The following VSNL1 variants were observed in gnomAD, a reference collection of about 807,000 sequenced individuals.
VSNL1 encodes visinin-like protein 1.
Under a neutral mutation model 20.4 loss-of-function variants are expected in VSNL1, and 6 were observed. The ratio of observed to expected loss-of-function variants is 0.29; its 90% CI spans 0.16 to 0.58. VSNL1 has a LOEUF of 0.58. Among genes scored for constraint, VSNL1 ranks in the 20% least tolerant of loss-of-function variants. The probability of loss-of-function intolerance (pLI) is 0.90; values close to 1 mark genes in which losing one functional copy is unlikely to be tolerated. For synonymous variants in VSNL1, 93 were observed against 86.4 expected (o/e 1.08, Z -0.42); for missense variants, 100 against 234.5 (o/e 0.43, Z 3.75).
chr2:17,583,055 T>G (rs1456457947), intron 1 of VSNL1, among the ~76,000 whole-genome samples: 1 of 152,128 alleles, frequency 6.6e-6, no homozygotes, highest in Non-Finnish European at 1.5e-5. Flanking sequence ...AGAATTACTG[T>G]AGAGATAACA....
intron 1 of VSNL1, among the ~76,000 whole-genome samples, chr2:17,565,659 A>G (rs1192701901): frequency 1.3e-5 from 2 of 152,204 alleles, no homozygotes; most frequent in Admixed American, 6.5e-5. Context: ...ATATTCAATA[A>G]AACTGTGTTA....
chr2:17,575,661 G>A (rs1047887818), intron 1 of VSNL1, among the ~76,000 whole-genome samples: 5 of 151,794 alleles, frequency 3.3e-5, no homozygotes, highest in Admixed American at 2.0e-4. Context: ...TCAGACTCCC[G>A]AGTAGCTGGA....
At chr2:17,565,404 A>G (rs1168731829) in intron 1 of VSNL1, among the ~76,000 whole-genome samples, 1 of 151,998 alleles carries the variant, frequency 6.6e-6, no homozygotes, top group East Asian at 1.9e-4. Flanking sequence ...TTCTTCCTCA[A>G]AGCAATCATT....
chr2:17,649,067 AC>A lies in VSNL1; in HGVS notation c.163-342del, dbSNP rs966386136. Among the ~76,000 whole-genome samples, 3 of 152,014 alleles carry A rather than the reference AC, an allele frequency of 2.0e-5. No individual in the cohort carries two copies. The highest frequency in any genetic ancestry group is 2.9e-5 in the Non-Finnish European group (2 of 67,964). On this transcript the variant is annotated intron_variant, in intron 2 of 3. Transcript: ENST00000295156. The surrounding 1 kb of genome is among the most constrained non-coding windows in gnomAD (Gnocchi z 6.4). ...TAGCACCACCTGTGTGGGGAGAGAA[AC>A]TGCTGTCTGCCTCAGTCCTGTTCCT...
chr2:17,540,285 G>A (rs1292089455), upstream of VSNL1: 1 of 152,376 alleles, frequency 6.6e-6, no homozygotes, highest in Non-Finnish European at 1.5e-5. Flanking sequence ...GGTCGGCTAG[G>A]ACAGAAAGCA....
intron 1 of VSNL1, among the ~76,000 whole-genome samples, chr2:17,563,678 C>A (rs574590367): frequency 6.6e-6 from 1 of 151,796 alleles, no homozygotes; most frequent in Non-Finnish European, 1.5e-5. Flanking sequence ...TGCAGTGAGC[C>A]GAGATCGCAC....
At chr2:17,606,319 G>A (rs1418678018) in intron 2 of VSNL1, among the ~76,000 whole-genome samples, 1 of 152,192 alleles carries the variant, frequency 6.6e-6, no homozygotes. Context: ...GGGGGCTGGA[G>A]TCAGACAGAA....
In VSNL1 at chr2:17,655,815, T is replaced by A. The variant is rs554813204; in HGVS notation, c.*421T>A. The A allele has an allele frequency of 6.4e-5, 11 of 171,356 alleles. No individual in the cohort carries two copies. The South Asian group carries it at 1.5e-3, about 24-fold the overall frequency. The allele number at this position is 171,356 out of a possible 1,614,324, so 10.6% of individuals were successfully genotyped here. On this transcript the variant is annotated 3_prime_UTR_variant, in exon 4 of 4. Transcript: ENST00000295156. The surrounding 1 kb of genome is among the most constrained non-coding windows in gnomAD (Gnocchi z 5.2). ...TTAATTATAAGCTATGTCACTACCC[T>A]CCTGTAAAATACTATTGGACAGACA... is the stretch of plus-strand genomic sequence containing the variant.
intron 3 of VSNL1, among the ~76,000 whole-genome samples, chr2:17,653,032 C>T (rs1052886184): frequency 1.6e-4 from 25 of 152,174 alleles, no homozygotes; most frequent in African/African-American, 6.0e-4. Flanking sequence ...CTGAAAACAG[C>T]TATTTCTTTT....
chr2:17,621,680 T>C (rs998605834), intron 2 of VSNL1, among the ~76,000 whole-genome samples: 33 of 152,072 alleles, frequency 2.2e-4, no homozygotes, highest in African/African-American at 7.2e-5. Flanking sequence ...CAGGCTGGAG[T>C]GCAATGGCAC....
At chr2:17,603,981 C>T (rs1664888740) in intron 2 of VSNL1, among the ~76,000 whole-genome samples, 1 of 152,164 alleles carries the variant, frequency 6.6e-6, no homozygotes, top group African/African-American at 2.4e-5. Context: ...CTAGACTCAA[C>T]ACCAGGGGGG....
intron 1 of VSNL1, among the ~76,000 whole-genome samples, chr2:17,579,092 GC>G (rs1664286932): frequency 6.6e-6 from 1 of 151,948 alleles, no homozygotes; most frequent in Non-Finnish European, 1.5e-5. Flanking sequence ...GCCTAACAAA[GC>G]CCCCTTCTTT....
At chr2:17,566,758 G>C (rs1188049641) in intron 1 of VSNL1, among the ~76,000 whole-genome samples, 1 of 152,142 alleles carries the variant, frequency 6.6e-6, no homozygotes, top group Non-Finnish European at 1.5e-5. Context: ...AAAATACTGT[G>C]TTAAGTTTGG....
intron 2 of VSNL1, among the ~76,000 whole-genome samples, chr2:17,619,315 T>C (rs1665292015): frequency 6.6e-6 from 1 of 152,188 alleles, no homozygotes; most frequent in Admixed American, 6.5e-5. Context: ...TGGGTATAGG[T>C]AGAGAGCGGG....
chr2:17,647,368 TC>T (rs1666021002), intron 2 of VSNL1, among the ~76,000 whole-genome samples: 1 of 152,108 alleles, frequency 6.6e-6, no homozygotes, highest in Admixed American at 6.5e-5. Flanking sequence ...TGGGAACCTG[TC>T]CAGGGGCTCG....
chr2:17,562,089 T>C (rs1393930371), intron 1 of VSNL1, among the ~76,000 whole-genome samples: 1 of 152,232 alleles, frequency 6.6e-6, no homozygotes, highest in African/African-American at 2.4e-5. Context: ...TCCCAATCTT[T>C]TTCAGCAGCA....
chr2:17,595,903 T>C (rs111418370), intron 2 of VSNL1, among the ~76,000 whole-genome samples: 21 of 152,328 alleles, frequency 1.4e-4, no homozygotes, highest in African/African-American at 5.1e-4. Context: ...GCTTTTTTAA[T>C]GTCTTATTGT....
At chr2:17,606,835 C>T (rs750473529) in intron 2 of VSNL1, among the ~76,000 whole-genome samples, 9 of 152,164 alleles carry the variant, frequency 5.9e-5, no homozygotes, top group Non-Finnish European at 1.2e-4. Flanking sequence ...ATGTAAGTTA[C>T]CCAATCCTGG....
At chr2:17,574,667 C>T (rs950317458) in intron 1 of VSNL1, among the ~76,000 whole-genome samples, 1 of 152,190 alleles carries the variant, frequency 6.6e-6, no homozygotes, top group Non-Finnish European at 1.5e-5. Context: ...TTGTTTGTTT[C>T]TCTTCTGCCC....
Sources: gnomAD v4.1 joint callset for allele counts (sites outside exome capture counted in the v4.1 genomes callset) on GRCh38, gnomAD v4.1.1 for gene constraint, Gnocchi (gnomAD v3.1) non-coding constraint, MANE v1.5 for transcripts, NCBI Gene and HGNC (gene_info 2026-07-23, HGNC 2026-07-21) for gene names.